SEMA5A: variants seen among roughly 807,000 people sequenced by gnomAD.
SEMA5A encodes semaphorin 5A, also known as semaphorin-5A.
A neutral mutation model predicts 135.5 loss-of-function variants in SEMA5A; 55 were observed. That is an observed-to-expected ratio of 0.41 (90% confidence interval 0.33 to 0.51). SEMA5A has a LOEUF of 0.51. SEMA5A is among the 20% of genes least tolerant of loss of function. The pLI is 0.37. For missense variants in SEMA5A, 1,290 were observed against 1,419.9 expected (o/e 0.91, Z 1.47); for synonymous variants, 580 against 546.5 (o/e 1.06, Z -0.85).
At chr5:9,540,517 A>C (rs1738026074) in intron 1 of SEMA5A, among the ~76,000 whole-genome samples, 1 of 152,078 alleles carries the variant, frequency 6.6e-6, no homozygotes, top group Non-Finnish European at 1.5e-5. Flanking sequence ...GAATTGCTTA[A>C]ACCTAGGAGG....
At chr5:9,174,525 C>T (rs767033598) in intron 11 of SEMA5A, among the ~76,000 whole-genome samples, 4 of 152,180 alleles carry the variant, frequency 2.6e-5, no homozygotes, top group Non-Finnish European at 4.4e-5. Context: ...TATTTTATCA[C>T]GCACTGGAGG....
At chr5:9,425,948 A>T (rs6886708) in intron 2 of SEMA5A, among the ~76,000 whole-genome samples, 37,594 of 152,054 alleles carry the variant, frequency 0.25, 4,847 homozygotes, top group South Asian at 0.34. Flanking sequence ...ACCTCACCAC[A>T]CTGTTCACTC....
rs766499998 is a variant in SEMA5A at position 9,044,621 on chromosome 5, A to G, written c.2894-37T>C. ...TGAGCAAAGTGATGCCACACTTGAA[A>G]AGAACATCCTGCCTAGCTACTCAAA... On this transcript the variant is annotated intron_variant, in intron 21 of 22. Transcript: ENST00000382496. 4 of 1,553,442 alleles carry G rather than the reference A, an allele frequency of 2.6e-6. No homozygotes were observed. The South Asian group carries it at 4.5e-5, about 17-fold the overall frequency.
At chr5:9,069,105 T>G (rs762883488) in intron 16 of SEMA5A, among the ~76,000 whole-genome samples, 1 of 152,212 alleles carries the variant, frequency 6.6e-6, no homozygotes, top group African/African-American at 2.4e-5. Context: ...ATCCTTGTTT[T>G]GCATGTACCA....
chr5:9,480,039 C>T (rs1390833397), intron 1 of SEMA5A, among the ~76,000 whole-genome samples: 4 of 152,158 alleles, frequency 2.6e-5, no homozygotes, highest in Non-Finnish European at 5.9e-5. Context: ...GCATTGCTGA[C>T]CTTTGGGACC....
intron 1 of SEMA5A, among the ~76,000 whole-genome samples, chr5:9,541,363 T>C (rs1300247863): frequency 6.6e-6 from 1 of 152,210 alleles, no homozygotes; most frequent in Non-Finnish European, 1.5e-5. Flanking sequence ...TTATTCTACA[T>C]GAACCCTAGT....
chr5:9,534,749 C>T (rs888563773), intron 1 of SEMA5A, among the ~76,000 whole-genome samples: 7 of 152,224 alleles, frequency 4.6e-5, no homozygotes, highest in South Asian at 2.1e-4. Context: ...CAGCATGGGG[C>T]GGGGGTTGTT....
chr5:9,372,937 G>T (rs944522442), intron 3 of SEMA5A, among the ~76,000 whole-genome samples: 2 of 152,204 alleles, frequency 1.3e-5, no homozygotes, highest in Non-Finnish European at 2.9e-5. Context: ...GCAGGTGGCA[G>T]GCTGAGCAAT....
intron 1 of SEMA5A, among the ~76,000 whole-genome samples, chr5:9,501,469 C>T (rs773429636): frequency 2.0e-5 from 3 of 152,040 alleles, no homozygotes; most frequent in Non-Finnish European, 4.4e-5. Context: ...TGAGTTTTTT[C>T]CTATGTAGAG....
At chr5:9,506,567 T>C (rs1157437899) in intron 1 of SEMA5A, among the ~76,000 whole-genome samples, 1 of 152,196 alleles carries the variant, frequency 6.6e-6, no homozygotes, top group African/African-American at 2.4e-5. Context: ...GGGAAGGTCC[T>C]AGGTCTCTTG....
At chr5:9,054,639 T>C (rs950447077) in intron 18 of SEMA5A, among the ~76,000 whole-genome samples, 1 of 152,176 alleles carries the variant, frequency 6.6e-6, no homozygotes, top group Non-Finnish European at 1.5e-5. Context: ...CGGTTATTGA[T>C]GTAAAGCCCC....
At position 9,491,793 on chromosome 5, in the gene SEMA5A, T is replaced by C. The variant is rs142533129; in HGVS notation, c.-175+53791A>G. 7.8e-4 allele frequency among the ~76,000 whole-genome samples: 119 copies of C among 152,350 alleles called. 1 individual carries two copies. Among genetic ancestry groups the C allele is most frequent in the African/African-American group, 2.6e-3 (108 of 41,586 alleles). ...CCCATTCAAAAGGGGCATGATGCCC[T>C]AATGCCTTGAAGGTAAACCTGGTAG... On this transcript the variant is annotated intron_variant, in intron 1 of 22. Transcript: ENST00000382496.
intron 15 of SEMA5A, among the ~76,000 whole-genome samples, 177 bp downstream of exon 15, chr5:9,118,821 C>T (rs577045360): frequency 6.6e-6 from 1 of 152,222 alleles, no homozygotes; most frequent in Admixed American, 6.5e-5. Context: ...ATGCTGTCGA[C>T]GAGGCTTTGA....
At chr5:9,196,716 T>C (rs1239533205) in intron 10 of SEMA5A, among the ~76,000 whole-genome samples, 1 of 152,214 alleles carries the variant, frequency 6.6e-6, no homozygotes, top group Non-Finnish European at 1.5e-5. Flanking sequence ...GCTGCCTGCA[T>C]CACATTCTGT....
At chr5:9,487,762 A>G (rs1319178678) in intron 1 of SEMA5A, among the ~76,000 whole-genome samples, 1 of 152,132 alleles carries the variant, frequency 6.6e-6, no homozygotes, top group African/African-American at 2.4e-5. Context: ...GTTGCCACAT[A>G]TTCTTTTAAT....
At chr5:9,049,673 A>G (rs1736460635) in intron 21 of SEMA5A, among the ~76,000 whole-genome samples, 1 of 152,242 alleles carries the variant, frequency 6.6e-6, no homozygotes, top group African/African-American at 2.4e-5. Flanking sequence ...TAAGGTCTCA[A>G]TGTAGACATT....
chr5:9,437,543 G>A (rs890784462), intron 2 of SEMA5A, among the ~76,000 whole-genome samples: 3 of 152,008 alleles, frequency 2.0e-5, no homozygotes, highest in African/African-American at 4.8e-5. Flanking sequence ...TTTTAGTAGA[G>A]ATAGAATTTC....
chr5:9,221,365 C>T (rs372944202), intron 8 of SEMA5A, among the ~76,000 whole-genome samples: 293 of 143,722 alleles, frequency 2.0e-3, no homozygotes, highest in African/African-American at 4.7e-3. Flanking sequence ...TGCAGTGGCG[C>T]GATCTCGGCT....
intron 1 of SEMA5A, among the ~76,000 whole-genome samples, chr5:9,495,960 T>C (rs1706169600): frequency 6.6e-6 from 1 of 152,186 alleles, no homozygotes; most frequent in African/African-American, 2.4e-5. Flanking sequence ...GAATGGAAAC[T>C]TCATGAGGAC....
Sources: allele counts gnomAD v4.1 joint callset (sites outside exome capture counted in the v4.1 genomes callset), GRCh38; gene constraint gnomAD v4.1.1; transcripts MANE v1.5; gene names NCBI Gene and HGNC (gene_info 2026-07-23, HGNC 2026-07-21).